Variants in IL12RB2 observed in about 807,000 individuals in gnomAD.
The protein encoded by IL12RB2 is interleukin-12 receptor subunit beta-2.
A neutral mutation model predicts 89.4 loss-of-function variants in IL12RB2; 82 were observed. That is an observed-to-expected ratio of 0.92 (90% CI 0.77 to 1.10). IL12RB2 has a LOEUF of 1.10. Ranked by LOEUF, IL12RB2 falls within the 50% of genes least tolerant of loss-of-function variation. IL12RB2 has a pLI of 0.00. For missense variants in IL12RB2, 963 were observed against 1,031.9 expected, an observed-to-expected ratio of 0.93 and a Z score of 0.92; for synonymous variants, 368 against 370.1, an observed-to-expected ratio of 0.99 and a Z score of 0.07.
intron 13 of IL12RB2, among the ~76,000 whole-genome samples, chr1:67,375,599 A>G (rs960729333): frequency 3.3e-5 from 5 of 152,158 alleles, no homozygotes; most frequent in African/African-American, 1.2e-4. Context: ...GCCCCCTCTT[A>G]CTGGTGTTTC....
intron 9 of IL12RB2, 182 bp downstream of exon 9, chr1:67,338,885 T>C: frequency 1.6e-6 from 1 of 622,422 alleles, no homozygotes; most frequent in East Asian, 2.9e-5. Flanking sequence ...GAGTTCCTTC[T>C]TCCACACAGT....
At chr1:67,339,884 G>A (rs926122022) in intron 9 of IL12RB2, among the ~76,000 whole-genome samples, 4 of 152,170 alleles carry the variant, frequency 2.6e-5, no homozygotes, top group African/African-American at 4.8e-5. Flanking sequence ...TGTGCGATTC[G>A]AATTGAGCTA....
At position 67,330,772 on chromosome 1, in the gene IL12RB2, A is replaced by G; in HGVS notation, c.920A>G (p.Asp307Gly). Residue 307 changes from aspartate (D) to glycine (G), a missense_variant, in exon 8 of 17, where the codon GAT (aspartate) becomes GGT (glycine). Coordinates refer to ENST00000674203, the MANE Select transcript of IL12RB2 (RefSeq NM_001374259.2). The part of the protein sequence containing the change: ...KLHLYKGSWS[D>G]WSESLRAQTP... ...CATCTTTATAAGGGAAGTTGGAGTG[A>G]TTGGAGTGAATCATTGAGAGCACAA... 1.3e-6 allele frequency: 2 copies of G among 1,571,766 alleles called. No homozygotes were observed. Among genetic ancestry groups the G allele is most frequent in the Non-Finnish European group, 8.8e-7 (1 of 1,141,484 alleles).
At chr1:67,315,746 C>T (rs867588558) in intron 2 of IL12RB2, among the ~76,000 whole-genome samples, 19 of 152,282 alleles carry the variant, frequency 1.2e-4, no homozygotes, top group African/African-American at 4.1e-4. Flanking sequence ...TGTGGGGATG[C>T]CAAAGTCTGT....
chr1:67,374,989 A>G (rs531834346), intron 13 of IL12RB2, among the ~76,000 whole-genome samples: 87 of 152,066 alleles, frequency 5.7e-4, no homozygotes, highest in African/African-American at 1.7e-3. Flanking sequence ...TCACAGTCCT[A>G]TTTTATACTA....
chr1:67,356,970 G>C (rs1444709227), intron 10 of IL12RB2, among the ~76,000 whole-genome samples: 1 of 152,162 alleles, frequency 6.6e-6, no homozygotes, highest in Non-Finnish European at 1.5e-5. Flanking sequence ...ATCAGAAACA[G>C]GTAGTTATGA....
chr1:67,322,871 G>A (rs536629603), intron 4 of IL12RB2, among the ~76,000 whole-genome samples: 110 of 152,304 alleles, frequency 7.2e-4, no homozygotes, highest in African/African-American at 2.4e-3. Context: ...CCTGCAGTTC[G>A]CAACCTGTGG....
chr1:67,353,524 G>C (rs947787703), intron 10 of IL12RB2, among the ~76,000 whole-genome samples: 1 of 152,154 alleles, frequency 6.6e-6, no homozygotes, highest in African/African-American at 2.4e-5. Flanking sequence ...AACTGTGATC[G>C]CACCACTGCA....
At chr1:67,324,706 T>C (rs1321560482) in intron 4 of IL12RB2, among the ~76,000 whole-genome samples, 1 of 152,188 alleles carries the variant, frequency 6.6e-6, no homozygotes, top group African/African-American at 2.4e-5. Flanking sequence ...TCAGACCACC[T>C]GTGTGGAGTC....
chr1:67,361,693 T>C (rs1274670480), intron 10 of IL12RB2, among the ~76,000 whole-genome samples: 1 of 151,710 alleles, frequency 6.6e-6, no homozygotes, highest in Non-Finnish European at 1.5e-5. Flanking sequence ...CTACACATAA[T>C]GGAAATATGA....
intron 10 of IL12RB2, among the ~76,000 whole-genome samples, chr1:67,355,133 G>C (rs896075847): frequency 1.3e-5 from 2 of 152,006 alleles, no homozygotes; most frequent in Non-Finnish European, 2.9e-5. Flanking sequence ...GAAGGCCAGG[G>C]CCAGGCGCCG....
intron 5 of IL12RB2, among the ~76,000 whole-genome samples, chr1:67,327,056 G>A (rs922361004): frequency 6.6e-6 from 1 of 151,736 alleles, no homozygotes; most frequent in Non-Finnish European, 1.5e-5. Flanking sequence ...TGCTTCCTGG[G>A]TTCAAGTGAT....
At position 67,389,756 on chromosome 1, in the gene IL12RB2, G is replaced by C. The variant is rs549467836; in HGVS notation, c.1947-273G>C. 2.6e-5 allele frequency among the ~76,000 whole-genome samples: 4 copies of C among 152,290 alleles called. No homozygotes were observed. The East Asian group carries it at 7.7e-4, about 29-fold the overall frequency. ...CATATTAGGGGTTCAATCAATATTTGTTGAATGAATGCATAGCTGGCTAGT... is the reference window on the plus strand; with the variant it reads ...CATATTAGGGGTTCAATCAATATTTCTTGAATGAATGCATAGCTGGCTAGT... On this transcript the variant is annotated intron_variant, in intron 15 of 16. Coordinates refer to ENST00000674203, the MANE Select transcript of IL12RB2 (RefSeq NM_001374259.2).
intron 10 of IL12RB2, among the ~76,000 whole-genome samples, chr1:67,362,206 G>T (rs1198624060): frequency 6.6e-6 from 1 of 152,012 alleles, no homozygotes; most frequent in Non-Finnish European, 1.5e-5. Context: ...GGGAGGCAGA[G>T]GTTGCAGTGA....
At chr1:67,384,108 G>T (rs1349990880) in intron 14 of IL12RB2, among the ~76,000 whole-genome samples, 1 of 152,242 alleles carries the variant, frequency 6.6e-6, no homozygotes, top group Non-Finnish European at 1.5e-5. Context: ...GGGACCCTGT[G>T]TAGGGGCTTG....
chr1:67,379,128 C>A (rs989341786), intron 13 of IL12RB2, among the ~76,000 whole-genome samples: 3 of 150,832 alleles, frequency 2.0e-5, no homozygotes, highest in Non-Finnish European at 4.4e-5. Flanking sequence ...ACCTAGGAGG[C>A]GGAGGTTACA....
intron 15 of IL12RB2, among the ~76,000 whole-genome samples, chr1:67,387,673 C>T (rs1237587542): frequency 2.0e-5 from 3 of 146,614 alleles, no homozygotes; most frequent in Non-Finnish European, 4.5e-5. Context: ...CACTGCACTC[C>T]ACCCTGGCAA....
At chr1:67,377,265 G>T (rs745466087) in intron 13 of IL12RB2, among the ~76,000 whole-genome samples, 26 of 152,156 alleles carry the variant, frequency 1.7e-4, no homozygotes, top group Admixed American at 4.6e-4. Flanking sequence ...TCATATTTAT[G>T]ACTGTTGAAA....
In IL12RB2 at chr1:67,326,816, G is replaced by C. The variant is rs17129792; in HGVS notation, c.446G>C (p.Arg149Pro). The C allele has an allele frequency of 6.2e-7, 1 of 1,613,818 alleles. No individual in the cohort carries two copies. The highest frequency in any genetic ancestry group is 2.2e-5 in the East Asian group (1 of 44,866). The change falls in exon 5 of 17, where the codon CGA becomes CCA. Residue 149 changes from arginine to proline, a missense_variant. Coordinates refer to ENST00000674203, the MANE Select transcript of IL12RB2 (RefSeq NM_001374259.2). Reference protein sequence around the residue: ...GTVACTWERGRDTHLYTEYTL... With the variant: ...GTVACTWERGPDTHLYTEYTL... The stretch of plus-strand genomic sequence containing the variant: ...GTGGCCTGCACCTGGGAAAGAGGAC[G>C]AGACACCCACTTATACACTGAGTAT...
Sources: allele counts gnomAD v4.1 joint callset (sites outside exome capture counted in the v4.1 genomes callset), GRCh38; gene constraint gnomAD v4.1.1; transcripts MANE v1.5; gene names NCBI Gene and HGNC (gene_info 2026-07-23, HGNC 2026-07-21).